Variants in CSE1L observed in about 807,000 individuals in gnomAD.
CSE1L encodes chromosome segregation 1 like.
A neutral mutation model predicts 120.4 loss-of-function variants in CSE1L; 24 were observed. The observed-to-expected ratio is 0.20, with a 90% CI of 0.14 to 0.28. The LOEUF (loss-of-function observed/expected upper bound fraction) is 0.28, where lower values mean the gene tolerates loss of function less well. Ranked by LOEUF, CSE1L falls within the 10% of genes least tolerant of loss-of-function variation. The probability of loss-of-function intolerance (pLI) is 1.00; values close to 1 mark genes in which losing one functional copy is unlikely to be tolerated. For synonymous variants in CSE1L, 402 were observed against 398.3 expected, an observed-to-expected ratio of 1.01 and a Z score of -0.11; for missense variants, 830 against 1,145.2, an observed-to-expected ratio of 0.72 and a Z score of 3.97.
At chr20:49,095,005 T>A in intron 24 of CSE1L, 42 bp downstream of exon 24, 1 of 1,483,072 alleles carries the variant, frequency 6.7e-7, no homozygotes, top group Non-Finnish European at 9.4e-7. Flanking sequence ...ATGGAGACTT[T>A]AATGGGAGGG....
intron 8 of CSE1L, among the ~76,000 whole-genome samples, 180 bp downstream of exon 8, chr20:49,070,477 A>G (rs1024870792): frequency 2.0e-5 from 3 of 152,226 alleles, no homozygotes; most frequent in Non-Finnish European, 4.4e-5. Flanking sequence ...TACTCTTATC[A>G]TGGGCTTGGC....
chr20:49,083,218 A>G (rs1341597140), intron 14 of CSE1L, among the ~76,000 whole-genome samples: 2 of 151,714 alleles, frequency 1.3e-5, no homozygotes, highest in African/African-American at 4.8e-5. Flanking sequence ...TAGAGGTTTC[A>G]CCATGTTAGC....
In CSE1L at chr20:49,084,287, ACT is replaced by A. The variant is rs1202726610; in HGVS notation, c.1619+128_1619+129del. 1.5e-5 allele frequency: 15 copies of A among 982,366 alleles called. No homozygotes were observed. In the African/African-American group the frequency reaches 1.6e-4, roughly 11 times the overall value. 60.9% of individuals were successfully genotyped at this position (982,366 alleles called of 1,614,324 possible). A position where few individuals can be genotyped will look rare whatever the true frequency, so the allele number is the denominator to read the frequency against. ...AAATGTCTGCTTTCTATTCCTTTAT[ACT>A]CTGTTTCATTCTAAAAGCATTTGAG... On this transcript the variant is annotated intron_variant, in intron 15 of 24. Coordinates refer to ENST00000262982, the MANE Select transcript of CSE1L (RefSeq NM_001316.4).
intron 1 of CSE1L, among the ~76,000 whole-genome samples, chr20:49,047,539 TC>T (rs2091725252): frequency 6.7e-6 from 1 of 149,306 alleles, no homozygotes; most frequent in Non-Finnish European, 1.5e-5. Flanking sequence ...TCTTTTGTTT[TC>T]TTTTTCTTTT....
At chr20:49,073,187 A>G (rs1230080921) in intron 10 of CSE1L, among the ~76,000 whole-genome samples, 1 of 151,564 alleles carries the variant, frequency 6.6e-6, no homozygotes, top group Non-Finnish European at 1.5e-5. Flanking sequence ...AATTTCTTGT[A>G]TTTTTGGTAG....
At chr20:49,080,440 A>G (rs948653693) in intron 14 of CSE1L, among the ~76,000 whole-genome samples, 1 of 152,080 alleles carries the variant, frequency 6.6e-6, no homozygotes, top group African/African-American at 2.4e-5. Flanking sequence ...GGAGAACGTT[A>G]CATTGTCAAC....
chr20:49,072,587 A>T lies in CSE1L; in HGVS notation c.956A>T (p.Gln319Leu). Reference sequence around the variant, plus strand: ...TTCCAGTTGGTAAGTAATGCAATTCAATTTCTGGCTTCAGTTTGTGAGAGA... The same window carrying T: ...TTCCAGTTGGTAAGTAATGCAATTCTATTTCTGGCTTCAGTTTGTGAGAGA... Reference protein sequence around the residue: ...KYDLLVSNAIQFLASVCERPH... With the variant: ...KYDLLVSNAILFLASVCERPH... The change falls in exon 10 of 25, where the codon CAA becomes CTA. Residue 319 changes from glutamine to leucine, a missense_variant. This residue lies in a region of CSE1L where 543 missense variants were observed against 640.2 expected (regional missense o/e 0.85). Transcript: ENST00000262982. 6.2e-7 allele frequency: 1 copy of T among 1,611,004 alleles called. No homozygotes were observed. Among genetic ancestry groups the T allele is most frequent in the Non-Finnish European group, 8.5e-7 (1 of 1,179,096 alleles).
chr20:49,066,947 A>G (rs1351770211), intron 5 of CSE1L, among the ~76,000 whole-genome samples: 1 of 142,620 alleles, frequency 7.0e-6, no homozygotes. Context: ...CAGGAGAATC[A>G]CTTGAGCCTG....
Position 49,092,136 on chromosome 20 carries a change from G to A in CSE1L, c.2447+9G>A. 1.3e-6 allele frequency: 2 copies of A among 1,485,766 alleles called. No homozygotes were observed. Among genetic ancestry groups the A allele is most frequent in the Non-Finnish European group, 1.8e-6 (2 of 1,086,322 alleles). 92.0% of individuals were successfully genotyped at this position (1,485,766 alleles called of 1,614,324 possible). ...GATGGTATACAACCAAAGTAAGTTT[G>A]TTTTTATTATTTTTTAAAGGAAGAA... On this transcript the variant is annotated intron_variant, in intron 22 of 24. Coordinates refer to ENST00000262982, the MANE Select transcript of CSE1L (RefSeq NM_001316.4).
Position 49,088,073 on chromosome 20 carries a change from T to C in CSE1L, c.1788T>C (p.Thr596=). 1 of 1,612,514 alleles carries C rather than the reference T, an allele frequency of 6.2e-7. No individual in the cohort carries two copies. Among genetic ancestry groups the C allele is most frequent in the Non-Finnish European group, 8.5e-7 (1 of 1,179,168 alleles). ...AIIPYIPTLI[T]QLTQKLLAVS... ...TCCCCTACATCCCTACTCTCATCAC[T>C]CAGCTTACACAGAAGCTATTAGCTG... The change falls in exon 17 of 25, where the codon ACT becomes ACC. Residue 596 remains threonine, a synonymous_variant. Coordinates refer to ENST00000262982, the MANE Select transcript of CSE1L (RefSeq NM_001316.4).
intron 14 of CSE1L, among the ~76,000 whole-genome samples, chr20:49,080,751 C>G (rs779264165): frequency 2.0e-5 from 3 of 152,132 alleles, no homozygotes; most frequent in Non-Finnish European, 4.4e-5. Context: ...GCTAGGATTA[C>G]AGGCATGAGC....
chr20:49,070,700 G>A (rs1054987172), intron 8 of CSE1L, among the ~76,000 whole-genome samples: 26 of 77,802 alleles, frequency 3.3e-4, no homozygotes, highest in African/African-American at 3.2e-3. Context: ...GGCGGCCAAG[G>A]TGGGGAGGAT....
intron 17 of CSE1L, among the ~76,000 whole-genome samples, chr20:49,088,699 T>C (rs2426127): frequency 0.75 from 114,636 of 152,026 alleles, 43,882 homozygotes; most frequent in African/African-American, 0.88. Flanking sequence ...ATTATTCAAC[T>C]GAGTTAGGGC....
chr20:49,048,164 T>TG (rs1451617907), intron 1 of CSE1L, among the ~76,000 whole-genome samples: 2 of 137,976 alleles, frequency 1.4e-5, no homozygotes, highest in African/African-American at 5.4e-5. Context: ...TTTTTTTTTT[T>TG]GACATGCTTT....
intron 1 of CSE1L, among the ~76,000 whole-genome samples, chr20:49,049,700 G>A (rs1408188482): frequency 6.6e-6 from 1 of 152,122 alleles, no homozygotes; most frequent in Non-Finnish European, 1.5e-5. Flanking sequence ...CTTAGAATTC[G>A]GTTTTATAGA....
In CSE1L at chr20:49,072,645, C is replaced by A; in HGVS notation, c.1014C>A (p.Asn338Lys). 1 of 1,613,800 alleles carries A rather than the reference C, an allele frequency of 6.2e-7. No individual in the cohort carries two copies. Reference sequence around the variant, plus strand: ...ATAAGAATCTATTTGAGGACCAGAACACGCTGACAAGTATCTGTGAAAAGG... The same window carrying A: ...ATAAGAATCTATTTGAGGACCAGAAAACGCTGACAAGTATCTGTGAAAAGG... ...PHYKNLFEDQ[N>K]TLTSICEKVI... The change falls in exon 10 of 25, where the codon AAC (asparagine) becomes AAA (lysine). Residue 338 changes from asparagine to lysine, a missense_variant. By Grantham distance (94) the Asn-to-Lys change is moderately conservative. Around this residue, in one of 4 missense-constraint regions of CSE1L, gnomAD observed 543 missense variants for 640.2 expected, o/e 0.85. Coordinates refer to ENST00000262982, the MANE Select transcript of CSE1L (RefSeq NM_001316.4).
At chr20:49,077,832 C>G (rs949336915) in intron 13 of CSE1L, among the ~76,000 whole-genome samples, 1 of 152,026 alleles carries the variant, frequency 6.6e-6, no homozygotes. Flanking sequence ...GGTGAAACCC[C>G]GTCTCTACTA....
intron 2 of CSE1L, 107 bp downstream of exon 2, chr20:49,058,655 G>T: frequency 1.3e-6 from 1 of 792,220 alleles, no homozygotes; most frequent in South Asian, 2.0e-5. Flanking sequence ...ATTCATACTT[G>T]GGTTCTCAAG....
intron 6 of CSE1L, 78 bp downstream of exon 6, chr20:49,067,358 G>C (rs56145535): frequency 0.13 from 114,557 of 912,590 alleles, 7,856 homozygotes; most frequent in Non-Finnish European, 0.14. Flanking sequence ...TTAAGAGAAT[G>C]CTTTGAAAGC....
Sources: allele counts gnomAD v4.1 joint callset (sites outside exome capture counted in the v4.1 genomes callset), GRCh38; gene constraint gnomAD v4.1.1; regional missense constraint gnomAD v4.1.1; transcripts MANE v1.5; gene names NCBI Gene and HGNC (gene_info 2026-07-23, HGNC 2026-07-21).